The following SRRM4 variants were observed in gnomAD, a reference collection of about 807,000 sequenced individuals.
SRRM4 encodes the protein serine/arginine repetitive matrix protein 4.
Under a neutral mutation model 68.9 loss-of-function variants are expected in SRRM4, and 33 were observed. The ratio of observed to expected loss-of-function variants is 0.48; its 90% CI spans 0.36 to 0.64. SRRM4 has a LOEUF of 0.64. Among genes scored for constraint, SRRM4 ranks in the 30% least tolerant of loss-of-function variants. The pLI is 0.00. For synonymous variants in SRRM4, 318 were observed against 318.8 expected, an observed-to-expected ratio of 1.00 and a Z score of 0.03; for missense variants, 817 against 827.1, an observed-to-expected ratio of 0.99 and a Z score of 0.15.
intron 1 of SRRM4, chr12:118,989,993 T>C (rs1953306593): frequency 6.6e-6 from 1 of 152,202 alleles, no homozygotes; most frequent in Non-Finnish European, 1.5e-5. Flanking sequence ...CGCTCACTTG[T>C]GGTGGGAATG....
Position 119,094,696 on chromosome 12 carries a change from G to A in SRRM4, c.132-7540G>A, listed in dbSNP as rs1592895820. Among the ~76,000 whole-genome samples the A allele has an allele frequency of 5.3e-5, 8 of 152,208 alleles. No homozygotes were observed. In the South Asian group the frequency reaches 1.0e-3, roughly 20 times the overall value. On this transcript the variant is annotated intron_variant, in intron 1 of 12. Transcript: ENST00000267260. ...CGTGACCACCTGCCCACATTCCCCA[G>A]GAGGGGTTAGGTGCCCTCTCTGTGG...
rs941030425 is a variant in SRRM4, at chr12:118,999,337, C to T, written c.131+17324C>T. Among the ~76,000 whole-genome samples the T allele has an allele frequency of 1.2e-4, 19 of 152,246 alleles. No homozygotes were observed. The East Asian group carries it at 2.1e-3, about 17-fold the overall frequency. On this transcript the variant is annotated intron_variant, in intron 1 of 12. Coordinates refer to ENST00000267260, the MANE Select transcript of SRRM4 (RefSeq NM_194286.4). ...GCTCTGGAACTCAGAGTCGGGACAACGCCAGCTTTGCCTTGCCAGGGGCAC... is the reference window on the plus strand; with the variant it reads ...GCTCTGGAACTCAGAGTCGGGACAATGCCAGCTTTGCCTTGCCAGGGGCAC...
rs1205005191 is a variant in SRRM4 at position 119,153,625 on chromosome 12, G to C, written c.1367G>C (p.Ser456Thr). The change falls in exon 11 of 13, where the codon AGC (serine) becomes ACC (threonine). Residue 456 changes from serine to threonine, a missense_variant. By Grantham distance (58) the Ser-to-Thr change is moderately conservative (BLOSUM62 1). Transcript: ENST00000267260. ...AGCTCTAGGTCCCGCCGCAGCCCTA[G>C]CTACTCCCGCTACAGCCCCAGCAGG... ...SRSSRSRRSPSYSRYSPSRER... is the reference protein window; with the variant it reads ...SRSSRSRRSPTYSRYSPSRER... 1.3e-6 allele frequency: 2 copies of C among 1,559,746 alleles called. No individual in the cohort carries two copies. The highest frequency in any genetic ancestry group is 3.8e-5 in the Admixed American group (2 of 52,870).
At chr12:119,076,057 G>T (rs1404479251) in intron 1 of SRRM4, among the ~76,000 whole-genome samples, 2 of 152,030 alleles carry the variant, frequency 1.3e-5, no homozygotes, top group African/African-American at 4.8e-5. Context: ...TGATGATGGT[G>T]ATGGTAGTAA....
intron 2 of SRRM4, among the ~76,000 whole-genome samples, chr12:119,111,312 A>G (rs1295710292): frequency 1.3e-5 from 2 of 151,918 alleles, no homozygotes; most frequent in Admixed American, 1.3e-4. Flanking sequence ...AATAGGGGGT[A>G]GAAGAAATGT....
At chr12:119,107,135 C>T (rs1954112472) in intron 2 of SRRM4, among the ~76,000 whole-genome samples, 1 of 152,154 alleles carries the variant, frequency 6.6e-6, no homozygotes. Context: ...TATGTTGAAC[C>T]AGCCTTGCAT....
At chr12:119,156,464 C>T (rs771516691) in intron 12 of SRRM4, 31 bp from the exon 13 acceptor site, 2 of 1,557,286 alleles carry the variant, frequency 1.3e-6, no homozygotes, top group Admixed American at 3.6e-5. Context: ...GAGGGGCCGG[C>T]CCTCATCCCT....
At chr12:119,081,314 G>A (rs947205381) in intron 1 of SRRM4, among the ~76,000 whole-genome samples, 4 of 152,142 alleles carry the variant, frequency 2.6e-5, no homozygotes, top group African/African-American at 9.7e-5. Flanking sequence ...GGCTTGTCAG[G>A]GAACACGTAT....
chr12:119,017,241 C>T (rs1047912849), intron 1 of SRRM4, among the ~76,000 whole-genome samples: 1 of 152,182 alleles, frequency 6.6e-6, no homozygotes, highest in Non-Finnish European at 1.5e-5. Context: ...TCAAGTGCAT[C>T]GTGGTAGAAA....
At chr12:119,136,712 G>A (rs1464356870) in intron 8 of SRRM4, among the ~76,000 whole-genome samples, 1 of 152,126 alleles carries the variant, frequency 6.6e-6, no homozygotes, top group African/African-American at 2.4e-5. Context: ...ATTTGGGCTG[G>A]TGATAATGTA....
In SRRM4 at chr12:119,156,951, G is replaced by T; in HGVS notation, c.*153G>T. ...GGGAAGAGGAGAAGAGGGTAAGGGGGCTTCACTCTCTAGATCAGCCTGCTA... is the reference window on the plus strand; with the variant it reads ...GGGAAGAGGAGAAGAGGGTAAGGGGTCTTCACTCTCTAGATCAGCCTGCTA... On this transcript the variant is annotated 3_prime_UTR_variant, in exon 13 of 13. Coordinates refer to ENST00000267260, the MANE Select transcript of SRRM4 (RefSeq NM_194286.4). 7 of 963,436 alleles carry T rather than the reference G, an allele frequency of 7.3e-6. No individual in the cohort carries two copies. Among genetic ancestry groups the T allele is most frequent in the South Asian group, 5.2e-5 (3 of 57,376 alleles). 59.7% of individuals were successfully genotyped at this position (963,436 alleles called of 1,614,324 possible).
At chr12:119,007,175 A>G in intron 1 of SRRM4, among the ~76,000 whole-genome samples, 1 of 152,230 alleles carries the variant, frequency 6.6e-6, no homozygotes, top group South Asian at 2.1e-4. Context: ...CGAACCATCC[A>G]TTGCACATGG....
Position 119,102,391 on chromosome 12 carries a change from C to A in SRRM4, c.278+9C>A. On this transcript the variant is annotated intron_variant, in intron 2 of 12. Transcript: ENST00000267260. ...GCCACCAGAGGACACAGGTGAGATC[C>A]AATGAGGACGTTCAAGTTGAAGATA... 6.2e-7 allele frequency: 1 copy of A among 1,600,372 alleles called. No individual in the cohort carries two copies. Among genetic ancestry groups the A allele is most frequent in the East Asian group, 2.2e-5 (1 of 44,490 alleles).
chr12:119,131,719 G>A lies in SRRM4; in HGVS notation c.771+885G>A, dbSNP rs191596328. On this transcript the variant is annotated intron_variant, in intron 8 of 12. Transcript: ENST00000267260. ...TAAACTTGAAGTAAATACCACTTCC[G>A]TATGGAATTGTTGGGACTATCCAAT... is the stretch of plus-strand genomic sequence containing the variant. 1.8e-3 allele frequency among the ~76,000 whole-genome samples: 277 copies of A among 152,252 alleles called. 2 individuals are homozygous for A. The highest frequency in any genetic ancestry group is 1.5e-3 in the Non-Finnish European group (105 of 68,020).
At chr12:119,075,579 TG>T (rs1158035156) in intron 1 of SRRM4, among the ~76,000 whole-genome samples, 13 of 147,040 alleles carry the variant, frequency 8.8e-5, no homozygotes, top group Middle Eastern at 3.6e-3. Context: ...ATGGTGATGA[TG>T]GTGATGATGA....
intron 1 of SRRM4, chr12:119,031,131 A>G (rs1284467196): frequency 1.3e-5 from 2 of 152,208 alleles, no homozygotes; most frequent in Non-Finnish European, 2.9e-5. Context: ...TAGGGCTCCA[A>G]CCTAGGTGCA....
chr12:119,103,948 A>G (rs1954092074), intron 2 of SRRM4, among the ~76,000 whole-genome samples: 1 of 152,228 alleles, frequency 6.6e-6, no homozygotes, highest in African/African-American at 2.4e-5. Context: ...GGTTGCAGTG[A>G]GCCGAGATCG....
At chr12:119,130,408 CAGATGGATGGATGGAT>C (rs1455674484) in intron 7 of SRRM4, among the ~76,000 whole-genome samples, 11 of 62,122 alleles carry the variant, frequency 1.8e-4, no homozygotes, top group Non-Finnish European at 3.8e-4. Context: ...GTTGCTTAGA[CAGATGGATGGATGGAT>C]GGATGGATGG....
chr12:119,083,366 T>C (rs185477516), intron 1 of SRRM4, among the ~76,000 whole-genome samples: 184 of 152,154 alleles, frequency 1.2e-3, no homozygotes, highest in African/African-American at 4.0e-3. Flanking sequence ...CAGGAAGCCT[T>C]CCCTGATTTC....
Sources: gnomAD v4.1 joint callset for allele counts (sites outside exome capture counted in the v4.1 genomes callset) on GRCh38, gnomAD v4.1.1 for gene constraint, MANE v1.5 for transcripts, NCBI Gene and HGNC (gene_info 2026-07-23, HGNC 2026-07-21) for gene names.